The following HSPG2 variants were observed in gnomAD, a reference collection of about 807,000 sequenced individuals.
HSPG2 encodes the protein heparan sulfate proteoglycan 2, also known as basement membrane-specific heparan sulfate proteoglycan core protein.
Under a neutral mutation model 526.6 loss-of-function variants are expected in HSPG2, and 278 were observed. The observed-to-expected ratio is 0.53, with a 90% confidence interval of 0.48 to 0.58. The LOEUF (loss-of-function observed/expected upper bound fraction) is 0.58. Among genes scored for constraint, HSPG2 ranks in the 20% least tolerant of loss-of-function variants. The probability of loss-of-function intolerance (pLI) is 0.00; values close to 1 mark genes in which losing one functional copy is unlikely to be tolerated. For synonymous variants in HSPG2, 2,465 were observed against 2,555.4 expected, an observed-to-expected ratio of 0.96 and a Z score of 1.07; for missense variants, 5,354 against 6,099.5, an observed-to-expected ratio of 0.88 and a Z score of 4.07.
Position 21,864,048 on chromosome 1 carries a change from C to CA in HSPG2, c.4740+51dup. On this transcript the variant is annotated intron_variant, in intron 37 of 96. Coordinates refer to ENST00000374695, the MANE Select transcript of HSPG2 (RefSeq NM_005529.7). The surrounding 1 kb of genome is among the most constrained non-coding windows in gnomAD (Gnocchi z 4.8). ...CCTGCCTTGTCCAGCCCTGGTCCCC[C>CA]ACCCAGGCCCAGCTGAGCTGACCCC... is the stretch of plus-strand genomic sequence containing the variant. The CA allele has an allele frequency of 7.2e-7, 1 of 1,381,796 alleles. No individual in the cohort carries two copies. Among genetic ancestry groups the CA allele is most frequent in the South Asian group, 1.2e-5 (1 of 80,580 alleles). 85.6% of individuals were successfully genotyped at this position (1,381,796 alleles called of 1,614,324 possible). A position where few individuals can be genotyped will look rare whatever the true frequency, so the allele number is the denominator to read the frequency against.
chr1:21,842,020 G>C lies in HSPG2; in HGVS notation c.9175C>G (p.Arg3059Gly), dbSNP rs760017518. Reference sequence around the variant, plus strand: ...GGCTCACCCTCCAGCTCCTGGTTCCGGGTCTTCCACTCGAGGCTGATGGGG... The same window carrying C: ...GGCTCACCCTCCAGCTCCTGGTTCCCGGTCTTCCACTCGAGGCTGATGGGG... ...AAPISLEWKT[R>G]NQELEDNVHI... Residue 3059 changes from arginine (R) to glycine (G), a missense_variant, in exon 69 of 97, where the codon CGG becomes GGG. Physicochemically the swap from Arg to Gly is moderately radical, Grantham distance 125. Transcript: ENST00000374695. 21 of 1,613,374 alleles carry C rather than the reference G, an allele frequency of 1.3e-5. No individual in the cohort carries two copies. In the East Asian group the frequency reaches 4.2e-4, roughly 33 times the overall value.
rs141464124 is a variant in HSPG2 at position 21,836,943 on chromosome 1, G to A, written c.10214C>T (p.Thr3405Met). Reference sequence around the variant, plus strand: ...AATGCTCTTGGTCTCTAGCTGAGGCGTGACCTGCACGGTGGGCGTGGACCC... The same window carrying A: ...AATGCTCTTGGTCTCTAGCTGAGGCATGACCTGCACGGTGGGCGTGGACCC... ...PAGSTPTVQV[T>M]PQLETKSIGA... The change falls in exon 75 of 97, where the codon ACG becomes ATG. Residue 3405 changes from threonine (T) to methionine (M), a missense_variant. Physicochemically the swap from Thr to Met is moderately conservative, Grantham distance 81. Coordinates refer to ENST00000374695, the MANE Select transcript of HSPG2 (RefSeq NM_005529.7). 674 of 1,557,112 alleles carry A rather than the reference G, an allele frequency of 4.3e-4. No homozygotes were observed. Among genetic ancestry groups the A allele is most frequent in the Non-Finnish European group, 4.9e-4 (559 of 1,150,290 alleles).
intron 63 of HSPG2, 32 bp from the exon 64 acceptor site, chr1:21,846,287 C>G (rs1251805807): frequency 3.1e-6 from 5 of 1,612,712 alleles, no homozygotes; most frequent in Non-Finnish European, 4.2e-6. Context: ...GGAACAGAGT[C>G]AGGTGCCAGT....
rs528829386 is a variant in HSPG2 at position 21,824,268 on chromosome 1, C to T, written c.12815+38G>A. ...GGACCGGGGGGTGGGGTGCTGGGAC[C>T]AGGGAAGGGAGAGGAAGGGCCAGGT... On this transcript the variant is annotated intron_variant, in intron 94 of 96. Transcript: ENST00000374695. This position sits in a 1 kb window ranked among gnomAD's most constrained non-coding sequence, Gnocchi z 5.9. 6.2e-7 allele frequency: 1 copy of T among 1,613,372 alleles called. No homozygotes were observed. Among genetic ancestry groups the T allele is most frequent in the Admixed American group, 1.7e-5 (1 of 60,020 alleles).
intron 37 of HSPG2, among the ~76,000 whole-genome samples, chr1:21,863,100 TG>T (rs1639951755): frequency 1.1e-5 from 1 of 94,822 alleles, no homozygotes; most frequent in South Asian, 3.9e-4. Context: ...AGGCTGGGTG[TG>T]GTGGCTCACA....
intron 90 of HSPG2, 43 bp downstream of exon 90, chr1:21,827,980 TCCGGGGC>T: frequency 6.2e-7 from 1 of 1,612,304 alleles, no homozygotes; most frequent in Non-Finnish European, 8.5e-7. Flanking sequence ...TATGTCGAGC[TCCGGGGC>T]CCCAAGACAG....
At chr1:21,879,801 C>T (rs1009771323) in intron 17 of HSPG2, among the ~76,000 whole-genome samples, 3 of 152,154 alleles carry the variant, frequency 2.0e-5, no homozygotes, top group Admixed American at 6.5e-5. Flanking sequence ...TACAGGCGTA[C>T]GCCACCACGC....
Position 21,915,825 on chromosome 1 carries a change from G to A in HSPG2, c.64-19515C>T, listed in dbSNP as rs187378841. Among the ~76,000 whole-genome samples the A allele has an allele frequency of 1.7e-3, 246 of 146,980 alleles. 2 individuals carry two copies. The highest frequency in any genetic ancestry group is 3.9e-3 in the Middle Eastern group (1 of 258). ...AGCACTTTGGGAGGCCGAGGTGGGCGGATCACCTGAGGTCAGGAGTTCGAG... is the reference window on the plus strand; with the variant it reads ...AGCACTTTGGGAGGCCGAGGTGGGCAGATCACCTGAGGTCAGGAGTTCGAG... On this transcript the variant is annotated intron_variant, in intron 1 of 96. Coordinates refer to ENST00000374695, the MANE Select transcript of HSPG2 (RefSeq NM_005529.7).
intron 1 of HSPG2, among the ~76,000 whole-genome samples, chr1:21,923,129 G>A (rs906158140): frequency 5.3e-5 from 8 of 152,118 alleles, no homozygotes; most frequent in African/African-American, 1.2e-4. Context: ...AGACTCAGCC[G>A]GGCACGGTGG....
intron 67 of HSPG2, 125 bp downstream of exon 67, chr1:21,842,645 C>G (rs1293673769): frequency 7.7e-7 from 1 of 1,303,892 alleles, no homozygotes; most frequent in South Asian, 1.3e-5. Context: ...GAACTCGTCC[C>G]GCAAACGTAT....
rs138119196 is a variant in HSPG2 at position 21,825,327 on chromosome 1, C to T, written c.12590-548G>A. On this transcript the variant is annotated intron_variant, in intron 91 of 96. Coordinates refer to ENST00000374695, the MANE Select transcript of HSPG2 (RefSeq NM_005529.7). ...TCAACAGGATCCGTGTCGGGTGACC[C>T]GCCATTCTACTTGCCAAATTCTGTC... The T allele has an allele frequency of 5.2e-4, 89 of 171,266 alleles. 1 individual carries two copies. Among genetic ancestry groups the T allele is most frequent in the African/African-American group, 1.9e-3 (78 of 41,812 alleles). The allele number at this position is 171,266 out of a possible 1,614,324, so 10.6% of individuals were successfully genotyped here.
chr1:21,929,606 A>C, intron 1 of HSPG2, among the ~76,000 whole-genome samples: 1 of 140,080 alleles, frequency 7.1e-6, no homozygotes, highest in East Asian at 2.2e-4. Flanking sequence ...TTTTTTAGGA[A>C]TTTTTATTGT....
rs777803777 is a variant in HSPG2, at chr1:21,850,095, G to C, written c.7392C>G (p.Ala2464=). 13 of 1,613,460 alleles carry C rather than the reference G, an allele frequency of 8.1e-6. No individual in the cohort carries two copies. Among genetic ancestry groups the C allele is most frequent in the Non-Finnish European group, 1.0e-5 (12 of 1,180,022 alleles). Residue 2464 remains alanine (A), a synonymous_variant, in exon 57 of 97, where the codon GCC becomes GCG. Coordinates refer to ENST00000374695, the MANE Select transcript of HSPG2 (RefSeq NM_005529.7). ...GCTTGTGCCACGTGACCTGGGCATG[G>C]GCCTGACCAGCAACGAGGCAGTTCA... ...LDLNCLVAGQ[A]HAQVTWHKRG... is the part of the protein sequence containing the mutation.
chr1:21,860,136 C>A, intron 40 of HSPG2, 41 bp downstream of exon 40: 1 of 1,611,740 alleles, frequency 6.2e-7, no homozygotes, highest in Non-Finnish European at 8.5e-7. Context: ...GGGCTCCCTG[C>A]CTTGCCCATC....
chr1:21,931,699 T>A (rs1257076562), intron 1 of HSPG2, among the ~76,000 whole-genome samples: 1 of 152,178 alleles, frequency 6.6e-6, no homozygotes, highest in African/African-American at 2.4e-5. Flanking sequence ...GGCCTCCAAG[T>A]GGCCTCTGAA....
chr1:21,902,271 C>G (rs553019484), intron 1 of HSPG2, among the ~76,000 whole-genome samples: 5 of 152,218 alleles, frequency 3.3e-5, no homozygotes, highest in Non-Finnish European at 7.3e-5. Context: ...CCGTGCCACT[C>G]GGGAGGCCTG....
rs772500345 is a variant in HSPG2, at chr1:21,875,978, G to A, written c.3068C>T (p.Pro1023Leu). Residue 1023 changes from proline (P) to leucine (L), a missense_variant, in exon 24 of 97, where the codon CCC (proline) becomes CTC (leucine). Transcript: ENST00000374695. ...VTQRSQPGST[P>L]LHGQPLVVLQ... ...CACCACCAACGGCTGCCCGTGCAGG[G>A]GTGTGGAGCCCGGCTGGGACCTCTG... The A allele has an allele frequency of 3.1e-6, 5 of 1,614,200 alleles. No homozygotes were observed. In the South Asian group the frequency reaches 5.5e-5, roughly 18 times the overall value.
Position 21,831,750 on chromosome 1 carries a change from G to A in HSPG2, c.11254C>T (p.Leu3752=). Residue 3752 remains leucine (L), a synonymous_variant, in exon 82 of 97, where the codon CTG becomes TTG. Coordinates refer to ENST00000374695, the MANE Select transcript of HSPG2 (RefSeq NM_005529.7). ...ACGGTGTGGAAATGGCCCAGGGCCAGTGGTGTGGGATGGCGGATGGTGGCC... is the reference window on the plus strand; with the variant it reads ...ACGGTGTGGAAATGGCCCAGGGCCAATGGTGTGGGATGGCGGATGGTGGCC... ...GMATIRHPTP[L]ALGHFHTVTL... 1 of 1,605,648 alleles carries A rather than the reference G, an allele frequency of 6.2e-7. No homozygotes were observed. The highest frequency in any genetic ancestry group is 8.5e-7 in the Non-Finnish European group (1 of 1,174,150).
rs1641277426 is a variant in HSPG2, at chr1:21,878,646, A to G, written c.2489T>C (p.Phe830Ser). Residue 830 changes from phenylalanine (F) to serine (S), a missense_variant, in exon 19 of 97, where the codon TTC becomes TCC. By Grantham distance (155) the Phe-to-Ser change is radical. Coordinates refer to ENST00000374695, the MANE Select transcript of HSPG2 (RefSeq NM_005529.7). ...DASRRFSDTC[F>S]LDTDGQATCD... The stretch of plus-strand genomic sequence containing the variant: ...TGTGGCTTGGCCATCCGTGTCCAGG[A>G]AGCAAGTGTCTGAGAATCTGCAGGT... The G allele has an allele frequency of 1.9e-6, 3 of 1,614,128 alleles. No homozygotes were observed. The highest frequency in any genetic ancestry group is 2.2e-5 in the South Asian group (2 of 91,080).
Sources: allele counts gnomAD v4.1 joint callset (sites outside exome capture counted in the v4.1 genomes callset), GRCh38; gene constraint gnomAD v4.1.1; non-coding constraint Gnocchi (gnomAD v3.1); transcripts MANE v1.5; gene names NCBI Gene and HGNC (gene_info 2026-07-23, HGNC 2026-07-21).